The following BMP7 variants were observed in gnomAD, a reference collection of about 807,000 sequenced individuals.
BMP7 encodes bone morphogenetic protein 7, also known as osteogenic protein 1.
Under a neutral mutation model 41.2 loss-of-function variants are expected in BMP7, and 12 were observed. That is an observed-to-expected ratio of 0.29 (90% CI 0.19 to 0.47). The LOEUF is 0.47. Ranked by LOEUF, BMP7 falls within the 20% of genes least tolerant of loss-of-function variation. BMP7 has a pLI of 0.99. For synonymous variants in BMP7, 248 were observed against 250.0 expected (o/e 0.99, Z 0.07); for missense variants, 467 against 606.0 (o/e 0.77, Z 2.41).
chr20:57,221,481 C>T (rs1172159560), intron 2 of BMP7, among the ~76,000 whole-genome samples: 1 of 152,140 alleles, frequency 6.6e-6, no homozygotes, highest in Non-Finnish European at 1.5e-5. Flanking sequence ...ATCCTTAATC[C>T]CCAACCCAGT....
Position 57,241,506 on chromosome 20 carries a change from T to C in BMP7, c.419-13085A>G, listed in dbSNP as rs545081463. On this transcript the variant is annotated intron_variant, in intron 1 of 6. Transcript: ENST00000395863. The stretch of plus-strand genomic sequence containing the variant: ...CCTGGCAAAGGGCACACAGGCAGCA[T>C]TGTCTCCCCTGTTCCTGAACTGCTT... Among the ~76,000 whole-genome samples, 7 of 152,296 alleles carry C rather than the reference T, an allele frequency of 4.6e-5. No individual in the cohort carries two copies. In the South Asian group the frequency reaches 1.2e-3, roughly 27 times the overall value.
At chr20:57,245,319 T>C (rs1367394682) in intron 1 of BMP7, among the ~76,000 whole-genome samples, 2 of 151,812 alleles carry the variant, frequency 1.3e-5, no homozygotes, top group African/African-American at 4.8e-5. Flanking sequence ...GAATATGAGA[T>C]CAAAACAAAA....
chr20:57,169,346 A>G lies in BMP7; in HGVS notation c.*1613T>C, dbSNP rs369719749. On this transcript the variant is annotated 3_prime_UTR_variant, in exon 7 of 7. Transcript: ENST00000395863. ...TGCAGAAAACGTTTGCAGACAGTCT[A>G]GCCCTCCCCTAGGCCTTGTGTTTGT... 6 of 152,350 alleles carry G rather than the reference A, an allele frequency of 3.9e-5. No individual in the cohort carries two copies. The highest frequency in any genetic ancestry group is 1.9e-4 in the East Asian group (1 of 5,176). 9.4% of individuals were successfully genotyped at this position (152,350 alleles called of 1,614,324 possible). A position where few individuals can be genotyped will look rare whatever the true frequency, so the allele number is the denominator to read the frequency against.
At chr20:57,175,873 A>G (rs1232848348) in intron 4 of BMP7, among the ~76,000 whole-genome samples, 1 of 152,094 alleles carries the variant, frequency 6.6e-6, no homozygotes, top group Admixed American at 6.5e-5. Flanking sequence ...GATTGACCAA[A>G]CACCAAGCTC....
rs6025443 is a variant in BMP7 at position 57,209,275 on chromosome 20, A to T, written c.612-6652T>A. On this transcript the variant is annotated intron_variant, in intron 2 of 6. Transcript: ENST00000395863. ...TATATATATATATATATATATATAT[A>T]TATATATATATGTATATAAATTAAC... is the stretch of plus-strand genomic sequence containing the variant. Among the ~76,000 whole-genome samples, 3 of 139,040 alleles carry T rather than the reference A, an allele frequency of 2.2e-5. 1 individual carries two copies. Among genetic ancestry groups the T allele is most frequent in the Non-Finnish European group, 1.5e-5 (1 of 64,822 alleles). 91.2% of individuals were successfully genotyped at this position (139,040 alleles called of 152,430 possible).
intron 1 of BMP7, among the ~76,000 whole-genome samples, chr20:57,255,733 G>A (rs953405525): frequency 2.0e-5 from 3 of 147,008 alleles, no homozygotes; most frequent in Admixed American, 6.9e-5. Context: ...CCCAGAGGTG[G>A]AGGTTGCAGT....
At position 57,219,327 on chromosome 20, in the gene BMP7, A is replaced by T. The variant is rs1216253405; in HGVS notation, c.611+8902T>A. On this transcript the variant is annotated intron_variant, in intron 2 of 6. Transcript: ENST00000395863. ...GTAAGTGGGAAGGTGGGAAGAAGAC[A>T]GGGTGGGCGAGGGACTTCCCACTTA... is the stretch of plus-strand genomic sequence containing the variant. Among the ~76,000 whole-genome samples the T allele has an allele frequency of 4.3e-4, 54 of 125,982 alleles. 12 individuals carry two copies. The highest frequency in any genetic ancestry group is 3.0e-3 in the African/African-American group (51 of 17,174). The allele number at this position is 125,982 out of a possible 152,430, so 82.6% of individuals were successfully genotyped here. A position where few individuals can be genotyped will look rare whatever the true frequency, so the allele number is the denominator to read the frequency against.
At chr20:57,181,714 C>T (rs1053506032) in intron 4 of BMP7, among the ~76,000 whole-genome samples, 2 of 152,206 alleles carry the variant, frequency 1.3e-5, no homozygotes, top group Admixed American at 6.5e-5. Context: ...TGTGCAGCTT[C>T]TCCAGGCCAC....
intron 1 of BMP7, among the ~76,000 whole-genome samples, chr20:57,253,488 TA>T (rs1289904235): frequency 1.3e-5 from 2 of 152,344 alleles, no homozygotes; most frequent in South Asian, 2.1e-4. Flanking sequence ...AAGAGAGTTT[TA>T]AAGTTCTCAG....
chr20:57,220,104 T>G (rs1247797133), intron 2 of BMP7, among the ~76,000 whole-genome samples: 1 of 152,180 alleles, frequency 6.6e-6, no homozygotes. Flanking sequence ...TCCTTCCTCC[T>G]TTCTTGGGGT....
chr20:57,202,202 C>G (rs1284738242), intron 3 of BMP7, among the ~76,000 whole-genome samples: 1 of 152,148 alleles, frequency 6.6e-6, no homozygotes, highest in Non-Finnish European at 1.5e-5. Context: ...TTCTGCATTT[C>G]TCATAAGAGG....
In BMP7 at chr20:57,173,345, G is replaced by A. The variant is rs369263421; in HGVS notation, c.1036-35C>T. The A allele has an allele frequency of 2.9e-5, 46 of 1,594,640 alleles. No individual in the cohort carries two copies. The Middle Eastern group carries it at 1.0e-3, about 35-fold the overall frequency. On this transcript the variant is annotated intron_variant, in intron 5 of 6. Coordinates refer to ENST00000395863, the MANE Select transcript of BMP7 (RefSeq NM_001719.3). ...AGAAGAGAGTGTGGGAAACCATGCA[G>A]AAGGCCTGAGCCACAGCATCCCAAC...
chr20:57,244,453 G>A (rs1262045492), intron 1 of BMP7, among the ~76,000 whole-genome samples: 1 of 152,220 alleles, frequency 6.6e-6, no homozygotes, highest in Non-Finnish European at 1.5e-5. Flanking sequence ...CAAATCAGGA[G>A]GAAGACACCG....
intron 4 of BMP7, 124 bp downstream of exon 4, chr20:57,183,598 T>G: frequency 7.9e-7 from 1 of 1,262,234 alleles, no homozygotes; most frequent in Non-Finnish European, 1.1e-6. Flanking sequence ...TTCTTCCTGC[T>G]ATATTTGTTC....
chr20:57,247,427 G>C (rs911995489), intron 1 of BMP7, among the ~76,000 whole-genome samples: 4 of 152,144 alleles, frequency 2.6e-5, no homozygotes, highest in African/African-American at 9.7e-5. Flanking sequence ...CAAGACAATG[G>C]GGACGAGAAC....
chr20:57,184,696 CTGGATTAGG>C (rs1984170688), intron 3 of BMP7, among the ~76,000 whole-genome samples: 1 of 152,104 alleles, frequency 6.6e-6, no homozygotes, highest in Non-Finnish European at 1.5e-5. Context: ...TAAGCTCATC[CTGGATTAGG>C]ATGAGCCTTA....
intron 2 of BMP7, among the ~76,000 whole-genome samples, chr20:57,227,340 C>T (rs942051681): frequency 5.9e-5 from 9 of 152,148 alleles, no homozygotes; most frequent in South Asian, 2.1e-4. Context: ...ACTCTGGAAA[C>T]GCTCAAGAAC....
chr20:57,191,603 G>A (rs368707176), intron 3 of BMP7, among the ~76,000 whole-genome samples: 3 of 151,640 alleles, frequency 2.0e-5, no homozygotes, highest in Admixed American at 1.3e-4. Flanking sequence ...CATGGTGCAC[G>A]CCTGTAATCC....
In BMP7 at chr20:57,258,023, A is replaced by C. The variant is rs541010200; in HGVS notation, c.418+7682T>G. 2.0e-5 allele frequency among the ~76,000 whole-genome samples: 3 copies of C among 152,292 alleles called. No homozygotes were observed. In the South Asian group the frequency reaches 6.2e-4, roughly 32 times the overall value. On this transcript the variant is annotated intron_variant, in intron 1 of 6. Transcript: ENST00000395863. ...AGGCCTAAACCCAATGCTTAGAAAC[A>C]CACAAGTCCTCGATTTTGGAAACGG...
Sources: gnomAD v4.1 joint callset for allele counts (sites outside exome capture counted in the v4.1 genomes callset) on GRCh38, gnomAD v4.1.1 for gene constraint, MANE v1.5 for transcripts, NCBI Gene and HGNC (gene_info 2026-07-23, HGNC 2026-07-21) for gene names.